CA10: variants seen among roughly 807,000 people sequenced by gnomAD.
CA10 encodes the protein carbonic anhydrase 10 (inactive).
CA10 carries 14 observed loss-of-function variants against 44.2 expected under a neutral mutation model. The observed-to-expected ratio is 0.32, with a 90% confidence interval of 0.21 to 0.50. The LOEUF (loss-of-function observed/expected upper bound fraction) is 0.50. Among genes scored for constraint, CA10 ranks in the 20% least tolerant of loss-of-function variants. The pLI is 0.99. For missense variants in CA10, 350 were observed against 409.7 expected, an observed-to-expected ratio of 0.85 and a Z score of 1.26; for synonymous variants, 159 against 141.6, an observed-to-expected ratio of 1.12 and a Z score of -0.87.
intron 3 of CA10, among the ~76,000 whole-genome samples, chr17:51,793,006 AC>A (rs1906579927): frequency 6.6e-6 from 1 of 152,210 alleles, no homozygotes; most frequent in Non-Finnish European, 1.5e-5. Context: ...CCGTTAAGGA[AC>A]TGCTTTTCTT....
intron 1 of CA10, among the ~76,000 whole-genome samples, chr17:52,083,621 T>C (rs937232976): frequency 2.0e-5 from 3 of 152,166 alleles, no homozygotes; most frequent in African/African-American, 7.2e-5. Flanking sequence ...TCCATGTGTA[T>C]ACATTTATAG....
At chr17:52,106,751 A>C (rs994705830) in intron 1 of CA10, among the ~76,000 whole-genome samples, 1 of 152,230 alleles carries the variant, frequency 6.6e-6, no homozygotes, top group Non-Finnish European at 1.5e-5. Flanking sequence ...TAAAACATTT[A>C]GACTAACTTG....
At chr17:51,908,849 A>C (rs1218751803) in intron 3 of CA10, among the ~76,000 whole-genome samples, 2 of 152,182 alleles carry the variant, frequency 1.3e-5, no homozygotes, top group Non-Finnish European at 2.9e-5. Context: ...CCAAATCACT[A>C]GGAAAGCCAT....
chr17:51,980,462 A>T (rs1478298081), intron 2 of CA10, among the ~76,000 whole-genome samples: 1 of 152,012 alleles, frequency 6.6e-6, no homozygotes, highest in African/African-American at 2.4e-5. Flanking sequence ...ATTTTCCTCC[A>T]TTCTGTAGGT....
At chr17:52,145,471 A>T (rs1158950954) in intron 1 of CA10, among the ~76,000 whole-genome samples, 1 of 152,208 alleles carries the variant, frequency 6.6e-6, no homozygotes, top group Admixed American at 6.5e-5. Context: ...AACTAACACT[A>T]AACACAACAT....
At chr17:52,056,229 G>A (rs1443418429) in intron 2 of CA10, among the ~76,000 whole-genome samples, 1 of 152,088 alleles carries the variant, frequency 6.6e-6, no homozygotes, top group Non-Finnish European at 1.5e-5. Context: ...GGTGATTGGT[G>A]ATTGGAAAGG....
intron 2 of CA10, among the ~76,000 whole-genome samples, chr17:52,003,775 C>T (rs75417781): frequency 0.027 from 4,052 of 151,870 alleles, 179 homozygotes; most frequent in African/African-American, 0.092. Context: ...AGAAAGAGAC[C>T]TCCCACCTGT....
chr17:52,044,562 C>T (rs1030316818), intron 2 of CA10, among the ~76,000 whole-genome samples: 1 of 152,020 alleles, frequency 6.6e-6, no homozygotes, highest in African/African-American at 2.4e-5. Flanking sequence ...CCTCGGCCTC[C>T]CAAAGTGCTG....
chr17:51,940,211 G>A (rs938295276), intron 2 of CA10, among the ~76,000 whole-genome samples: 3 of 152,112 alleles, frequency 2.0e-5, no homozygotes, highest in East Asian at 3.9e-4. Context: ...CATATGTATT[G>A]GATTTGCTTC....
At chr17:52,075,577 A>G (rs1987797164) in intron 1 of CA10, among the ~76,000 whole-genome samples, 1 of 152,236 alleles carries the variant, frequency 6.6e-6, no homozygotes, top group Non-Finnish European at 1.5e-5. Flanking sequence ...CTGTTGGGAC[A>G]TGGGATAATT....
intron 4 of CA10, among the ~76,000 whole-genome samples, chr17:51,677,858 A>G (rs1914682785): frequency 6.9e-6 from 1 of 145,388 alleles, no homozygotes; most frequent in South Asian, 2.3e-4. Flanking sequence ...TTACCATATA[A>G]CCCAACAATG....
chr17:52,044,847 A>G (rs2144198165), intron 2 of CA10, among the ~76,000 whole-genome samples: 1 of 151,212 alleles, frequency 6.6e-6, no homozygotes, highest in African/African-American at 2.4e-5. Flanking sequence ...AAGCAATCTA[A>G]GATATGTATA....
intron 3 of CA10, among the ~76,000 whole-genome samples, chr17:51,790,191 C>A (rs751369040): frequency 2.0e-5 from 3 of 152,150 alleles, no homozygotes; most frequent in Non-Finnish European, 2.9e-5. Flanking sequence ...GAGCCAGGGA[C>A]CCTGGTTTAA....
intron 2 of CA10, among the ~76,000 whole-genome samples, chr17:52,005,110 T>C (rs1434799726): frequency 1.3e-5 from 2 of 151,902 alleles, no homozygotes; most frequent in African/African-American, 4.8e-5. Flanking sequence ...AAATCTCAAG[T>C]TGTGAATACC....
intron 4 of CA10, among the ~76,000 whole-genome samples, chr17:51,736,756 T>A (rs373819137): frequency 6.6e-6 from 1 of 152,168 alleles, no homozygotes; most frequent in East Asian, 1.9e-4. Flanking sequence ...TTGCTTGTTA[T>A]AAAGAAGAGA....
chr17:51,967,945 G>T (rs566863700), intron 2 of CA10, among the ~76,000 whole-genome samples: 289 of 151,838 alleles, frequency 1.9e-3, no homozygotes, highest in Non-Finnish European at 3.6e-3. Flanking sequence ...TCATTCCTGT[G>T]TGTTACCCTA....
At chr17:51,898,633 C>T (rs139119885) in intron 3 of CA10, among the ~76,000 whole-genome samples, 15 of 152,206 alleles carry the variant, frequency 9.9e-5, no homozygotes, top group African/African-American at 3.6e-4. Flanking sequence ...ATGGTGCCAG[C>T]TCTTTAACAC....
At chr17:51,987,569 T>C (rs770575230) in intron 2 of CA10, among the ~76,000 whole-genome samples, 4 of 151,890 alleles carry the variant, frequency 2.6e-5, no homozygotes, top group Non-Finnish European at 5.9e-5. Flanking sequence ...TAAAAAAGGA[T>C]GAGGAAATAT....
At chr17:51,661,027 G>A (rs115602256) in intron 4 of CA10, among the ~76,000 whole-genome samples, 1 of 152,090 alleles carries the variant, frequency 6.6e-6, no homozygotes, top group African/African-American at 2.4e-5. Flanking sequence ...CACCTGTTGA[G>A]GGAGATCCCC....
Sources: allele counts gnomAD v4.1 joint callset (sites outside exome capture counted in the v4.1 genomes callset), GRCh38; gene constraint gnomAD v4.1.1; transcripts MANE v1.5; gene names NCBI Gene and HGNC (gene_info 2026-07-23, HGNC 2026-07-21).